Variants in CATSPERB observed in about 807,000 individuals in gnomAD.
CATSPERB encodes catsper channel auxiliary subunit beta.
Under a neutral mutation model 128.3 loss-of-function variants are expected in CATSPERB, and 93 were observed. The observed-to-expected ratio is 0.72, with a 90% CI of 0.61 to 0.86. The LOEUF (loss-of-function observed/expected upper bound fraction) is 0.86. CATSPERB is among the 40% of genes least tolerant of loss of function. CATSPERB has a pLI of 0.00. For missense variants in CATSPERB, 1,153 were observed against 1,329.5 expected (o/e 0.87, Z 2.06); for synonymous variants, 381 against 448.8 (o/e 0.85, Z 1.91).
intron 1 of CATSPERB, among the ~76,000 whole-genome samples, chr14:91,730,482 T>C (rs1896193511): frequency 6.6e-6 from 1 of 152,320 alleles, no homozygotes; most frequent in East Asian, 1.9e-4. Context: ...ACCCAGTGTA[T>C]GGGCCTTTGT....
intron 15 of CATSPERB, among the ~76,000 whole-genome samples, chr14:91,651,890 T>C (rs753714109): frequency 6.6e-6 from 1 of 152,140 alleles, no homozygotes; most frequent in Non-Finnish European, 1.5e-5. Flanking sequence ...GAGGCTCTGG[T>C]AGTCATACAG....
chr14:91,601,883 A>G (rs1393823619), intron 22 of CATSPERB, among the ~76,000 whole-genome samples: 1 of 152,116 alleles, frequency 6.6e-6, no homozygotes, highest in Admixed American at 6.5e-5. Flanking sequence ...ATATAAATCA[A>G]TAGTACAGCT....
intron 17 of CATSPERB, among the ~76,000 whole-genome samples, chr14:91,635,044 C>T (rs961707520): frequency 5.9e-5 from 9 of 151,912 alleles, no homozygotes; most frequent in Non-Finnish European, 1.2e-4. Flanking sequence ...GTGTCTTCTA[C>T]GTGTGTCCTT....
chr14:91,602,865 A>G (rs1431714128), intron 22 of CATSPERB, among the ~76,000 whole-genome samples: 5 of 151,934 alleles, frequency 3.3e-5, no homozygotes, highest in South Asian at 2.1e-4. Context: ...GCTCTTCTTC[A>G]TCATATCCCT....
intron 20 of CATSPERB, among the ~76,000 whole-genome samples, chr14:91,613,181 C>T (rs1704642): frequency 0.67 from 101,091 of 151,968 alleles, 34,433 homozygotes; most frequent in Admixed American, 0.76. Context: ...CATGAAATCA[C>T]ATGCCTGATG....
intron 15 of CATSPERB, among the ~76,000 whole-genome samples, chr14:91,659,312 A>C (rs1227530256): frequency 6.6e-6 from 1 of 152,222 alleles, no homozygotes; most frequent in Non-Finnish European, 1.5e-5. Context: ...GTTAGTTAAG[A>C]AATAAAATTA....
intron 16 of CATSPERB, among the ~76,000 whole-genome samples, chr14:91,637,575 T>C (rs1258513614): frequency 1.3e-5 from 2 of 152,220 alleles, no homozygotes; most frequent in Non-Finnish European, 2.9e-5. Context: ...CTGGGATAGA[T>C]GTCTAATCCC....
chr14:91,604,544 G>T (rs1207271919), intron 22 of CATSPERB: 1 of 1,607,648 alleles, frequency 6.2e-7, no homozygotes, highest in Non-Finnish European at 8.5e-7. Context: ...GTCACTGGCA[G>T]GAGAATTTGG....
chr14:91,695,402 A>C (rs1310010022), intron 7 of CATSPERB, among the ~76,000 whole-genome samples: 1 of 152,206 alleles, frequency 6.6e-6, no homozygotes, highest in Non-Finnish European at 1.5e-5. Context: ...AAGTTCTGAA[A>C]TTACAGGTGT....
chr14:91,726,255 G>GT (rs1896118142), intron 2 of CATSPERB, among the ~76,000 whole-genome samples: 1 of 152,212 alleles, frequency 6.6e-6, no homozygotes, highest in African/African-American at 2.4e-5. Context: ...ATGGTGCACT[G>GT]TAACACACAC....
intron 17 of CATSPERB, among the ~76,000 whole-genome samples, chr14:91,632,404 A>C (rs1894295945): frequency 1.3e-5 from 2 of 152,194 alleles, no homozygotes; most frequent in Non-Finnish European, 1.5e-5. Context: ...AGAATGGTAC[A>C]TCTTAAAATG....
At chr14:91,656,546 T>A (rs1395300104) in intron 15 of CATSPERB, among the ~76,000 whole-genome samples, 1 of 151,818 alleles carries the variant, frequency 6.6e-6, no homozygotes, top group African/African-American at 2.4e-5. Flanking sequence ...TAAAACATGC[T>A]ACCAGAGAAA....
chr14:91,648,692 G>T (rs968631395), intron 15 of CATSPERB, among the ~76,000 whole-genome samples: 4 of 152,146 alleles, frequency 2.6e-5, no homozygotes, highest in African/African-American at 9.7e-5. Context: ...CCTGCTCTGT[G>T]TGAATATGAA....
intron 20 of CATSPERB, 109 bp from the exon 21 acceptor site, chr14:91,610,786 T>A: frequency 9.8e-7 from 1 of 1,017,862 alleles, no homozygotes; most frequent in Non-Finnish European, 1.4e-6. Flanking sequence ...TCTCAAAATG[T>A]GGCTGTATTT....
In CATSPERB at chr14:91,731,918, T is replaced by G. The variant is rs986694234; in HGVS notation, c.-1+12A>C. The G allele has an allele frequency of 6.6e-6, 1 of 152,590 alleles. No individual in the cohort carries two copies. Among genetic ancestry groups the G allele is most frequent in the African/African-American group, 2.4e-5 (1 of 41,454 alleles). 9.5% of individuals were successfully genotyped at this position (152,590 alleles called of 1,614,324 possible). Reference sequence around the variant, plus strand: ...GCAGGGTCCTTATTTTAATATTTTTTACTGTAATTACCTCTTTAGGAGATG... The same window carrying G: ...GCAGGGTCCTTATTTTAATATTTTTGACTGTAATTACCTCTTTAGGAGATG... On this transcript the variant is annotated intron_variant, in intron 1 of 26. Transcript: ENST00000256343.
At chr14:91,667,189 G>A (rs559483422) in intron 14 of CATSPERB, among the ~76,000 whole-genome samples, 251 of 152,354 alleles carry the variant, frequency 1.6e-3, no homozygotes, top group Non-Finnish European at 2.9e-3. Flanking sequence ...GGAAAGAAAG[G>A]GAGTTCCTAA....
intron 7 of CATSPERB, among the ~76,000 whole-genome samples, chr14:91,702,278 T>C (rs1895663125): frequency 6.6e-6 from 1 of 151,878 alleles, no homozygotes; most frequent in African/African-American, 2.4e-5. Flanking sequence ...AGGAGCCAAG[T>C]TTCTATCTGG....
intron 2 of CATSPERB, among the ~76,000 whole-genome samples, chr14:91,727,968 G>T (rs114714140): frequency 6.6e-6 from 1 of 152,004 alleles, no homozygotes; most frequent in Non-Finnish European, 1.5e-5. Context: ...TCTTTATCCC[G>T]CTAGACACTC....
chr14:91,661,773 C>T lies in CATSPERB; in HGVS notation c.1288-1792G>A, dbSNP rs190938621. ...TCCCGGGCTCAAGCGATTCTCCTGC[C>T]TTGGCCTCCCGAAGTGCTGGTATCA... On this transcript the variant is annotated intron_variant, in intron 14 of 26. Coordinates refer to ENST00000256343, the MANE Select transcript of CATSPERB (RefSeq NM_024764.4). 9.0e-3 allele frequency among the ~76,000 whole-genome samples: 1,361 copies of T among 152,052 alleles called. 16 individuals carry two copies. The highest frequency in any genetic ancestry group is 0.044 in the Middle Eastern group (13 of 294).
Sources: allele counts gnomAD v4.1 joint callset (sites outside exome capture counted in the v4.1 genomes callset), GRCh38; gene constraint gnomAD v4.1.1; transcripts MANE v1.5; gene names NCBI Gene and HGNC (gene_info 2026-07-23, HGNC 2026-07-21).